Variants in LOXL2 observed in about 807,000 individuals in gnomAD.
The protein encoded by LOXL2 is lysyl oxidase homolog 2.
Under a neutral mutation model 93.0 loss-of-function variants are expected in LOXL2, and 70 were observed. That is an observed-to-expected ratio of 0.75 (90% CI 0.62 to 0.92). The LOEUF (loss-of-function observed/expected upper bound fraction) is 0.92. Ranked by LOEUF, LOXL2 falls within the 40% of genes least tolerant of loss-of-function variation. LOXL2 has a pLI of 0.00. For synonymous variants in LOXL2, 438 were observed against 413.2 expected, an observed-to-expected ratio of 1.06 and a Z score of -0.73; for missense variants, 973 against 1,054.9, an observed-to-expected ratio of 0.92 and a Z score of 1.08.
chr8:23,396,451 C>G (rs937444345), intron 1 of LOXL2, among the ~76,000 whole-genome samples: 7 of 152,108 alleles, frequency 4.6e-5, no homozygotes, highest in Non-Finnish European at 1.0e-4. Flanking sequence ...GACTTGTGCT[C>G]CAGCAGAAGC....
chr8:23,394,659 A>G (rs1463228225), intron 1 of LOXL2, among the ~76,000 whole-genome samples: 1 of 152,190 alleles, frequency 6.6e-6, no homozygotes, highest in Non-Finnish European at 1.5e-5. Flanking sequence ...GTGGAAATGT[A>G]AAATACTACA....
At chr8:23,305,093 T>C (rs1803208648) in intron 10 of LOXL2, among the ~76,000 whole-genome samples, 1 of 152,040 alleles carries the variant, frequency 6.6e-6, no homozygotes, top group South Asian at 2.1e-4. Context: ...TTTGAGAAAG[T>C]CTATTTTGGC....
intron 9 of LOXL2, 140 bp from the exon 10 acceptor site, chr8:23,310,051 T>G: frequency 2.4e-6 from 2 of 816,708 alleles, no homozygotes; most frequent in Non-Finnish European, 1.7e-6. Flanking sequence ...CAAGGTTACC[T>G]TCTTGTTTAG....
intron 1 of LOXL2, among the ~76,000 whole-genome samples, chr8:23,393,689 A>T (rs1221600469): frequency 6.6e-6 from 1 of 152,240 alleles, no homozygotes; most frequent in Non-Finnish European, 1.5e-5. Flanking sequence ...AAATATACGT[A>T]AATTAAACTT....
intron 9 of LOXL2, among the ~76,000 whole-genome samples, chr8:23,316,289 G>A (rs1467143220): frequency 6.6e-6 from 1 of 152,174 alleles, no homozygotes; most frequent in Non-Finnish European, 1.5e-5. Flanking sequence ...ATAAGGCAGG[G>A]TCTGGTCTCA....
intron 1 of LOXL2, among the ~76,000 whole-genome samples, chr8:23,379,338 C>G (rs1025142868): frequency 1.3e-5 from 2 of 152,198 alleles, no homozygotes; most frequent in Non-Finnish European, 2.9e-5. Context: ...AGGTGTCAAT[C>G]TGCCCCTACT....
chr8:23,332,872 GCACA>G (rs1803725461), intron 5 of LOXL2, among the ~76,000 whole-genome samples: 1 of 112,636 alleles, frequency 8.9e-6, no homozygotes, highest in Non-Finnish European at 1.7e-5. Context: ...TCATACACAC[GCACA>G]GACTCATACA....
At chr8:23,372,603 A>T (rs1222257418) in intron 1 of LOXL2, among the ~76,000 whole-genome samples, 1 of 152,236 alleles carries the variant, frequency 6.6e-6, no homozygotes, top group Non-Finnish European at 1.5e-5. Context: ...CATTAACCAG[A>T]GGGAAACTTG....
chr8:23,364,654 G>A (rs1452312250), intron 2 of LOXL2: 1 of 151,318 alleles, frequency 6.6e-6, no homozygotes, highest in Non-Finnish European at 1.5e-5. Context: ...TGGCCAACGT[G>A]GGAAAACCCC....
At chr8:23,342,433 C>CTTT (rs1178917449) in intron 3 of LOXL2, among the ~76,000 whole-genome samples, 7 of 137,330 alleles carry the variant, frequency 5.1e-5, no homozygotes, top group African/African-American at 2.0e-4. Flanking sequence ...TTTTCTTTTT[C>CTTT]TTTTTTTTTT....
intron 1 of LOXL2, among the ~76,000 whole-genome samples, chr8:23,370,082 G>A (rs1194015674): frequency 6.6e-6 from 1 of 152,142 alleles, no homozygotes; most frequent in African/African-American, 2.4e-5. Context: ...TCCTGGTTCA[G>A]CTTGGATACA....
chr8:23,391,500 G>C (rs776665019), intron 1 of LOXL2, among the ~76,000 whole-genome samples: 1 of 152,098 alleles, frequency 6.6e-6, no homozygotes, highest in Non-Finnish European at 1.5e-5. Context: ...AAGCACTCTT[G>C]GGTAACAGGC....
chr8:23,365,442 AG>A (rs1804382567), intron 2 of LOXL2: 1 of 152,152 alleles, frequency 6.6e-6, no homozygotes, highest in Non-Finnish European at 1.5e-5. Context: ...AGATGTAAAA[AG>A]GTCTCTCATG....
intron 4 of LOXL2, among the ~76,000 whole-genome samples, chr8:23,339,631 C>A (rs561657554): frequency 3.9e-4 from 60 of 152,314 alleles, no homozygotes; most frequent in African/African-American, 1.0e-3. Flanking sequence ...AGGTAGGAAG[C>A]CTGCCAGGGA....
Position 23,309,786 on chromosome 8 carries a change from C to G in LOXL2, c.1762G>C (p.Asp588His). 1 of 1,603,406 alleles carries G rather than the reference C, an allele frequency of 6.2e-7. No homozygotes were observed. Among genetic ancestry groups the G allele is most frequent in the Non-Finnish European group, 8.5e-7 (1 of 1,175,274 alleles). The change falls in exon 10 of 14, where the codon GAC becomes CAC. Residue 588 changes from aspartate (D) to histidine (H), a missense_variant. Asp to His is a moderately conservative substitution (Grantham distance 81). Coordinates refer to ENST00000389131, the MANE Select transcript of LOXL2 (RefSeq NM_002318.3). ...NCLSASAAQT[D>H]PTTGYRRLLR... ...AGCCGGCGGTAGCCCGTGGTGGGGT[C>G]GGTCTGCGCGGCTGAGGCCGAGAGG...
intron 3 of LOXL2, among the ~76,000 whole-genome samples, chr8:23,343,148 T>C (rs1218826946): frequency 6.6e-6 from 1 of 152,230 alleles, no homozygotes; most frequent in Non-Finnish European, 1.5e-5. Flanking sequence ...CATTCAGGAC[T>C]GATTCCACTT....
At chr8:23,304,384 C>T (rs1245594556) in intron 10 of LOXL2, among the ~76,000 whole-genome samples, 1 of 152,204 alleles carries the variant, frequency 6.6e-6, no homozygotes, top group Admixed American at 6.5e-5. Context: ...CTGCACTGCC[C>T]AGGCCCGGGG....
chr8:23,336,457 C>G (rs1043790817), intron 4 of LOXL2: 1 of 152,392 alleles, frequency 6.6e-6, no homozygotes, highest in East Asian at 1.9e-4. Context: ...CGCTCCAGAC[C>G]TGGAGACTGG....
rs540194663 is a variant in LOXL2, at chr8:23,396,416, A to G, written c.-84+7538T>C. Among the ~76,000 whole-genome samples, 3 of 152,296 alleles carry G rather than the reference A, an allele frequency of 2.0e-5. No homozygotes were observed. The South Asian group carries it at 6.2e-4, about 32-fold the overall frequency. ...GAGGAAGGAAATGAGGAGGGCAGGC[A>G]GGATACGGCCAAAGAATGGGCTTAG... On this transcript the variant is annotated intron_variant, in intron 1 of 13. Transcript: ENST00000389131.
Sources: allele counts gnomAD v4.1 joint callset (sites outside exome capture counted in the v4.1 genomes callset), GRCh38; gene constraint gnomAD v4.1.1; transcripts MANE v1.5; gene names NCBI Gene and HGNC (gene_info 2026-07-23, HGNC 2026-07-21).